Variants in NXN observed in about 807,000 individuals in gnomAD.
The protein encoded by NXN is nucleoredoxin 1.
NXN carries 16 observed loss-of-function variants against 48.6 expected under a neutral mutation model. The ratio of observed to expected loss-of-function variants is 0.33; its 90% confidence interval spans 0.22 to 0.50. The LOEUF (loss-of-function observed/expected upper bound fraction) is 0.50. Ranked by LOEUF, NXN falls within the 20% of genes least tolerant of loss-of-function variation. The pLI, the probability that NXN is intolerant of heterozygous loss-of-function variation, is 0.98. For missense variants in NXN, 492 were observed against 605.5 expected (o/e 0.81, Z 1.97); for synonymous variants, 281 against 269.6 (o/e 1.04, Z -0.41).
intron 1 of NXN, among the ~76,000 whole-genome samples, chr17:895,218 T>A (rs983497968): frequency 3.3e-5 from 5 of 150,966 alleles, no homozygotes; most frequent in African/African-American, 1.2e-4. Flanking sequence ...GGCTTCACCA[T>A]GTTGGCCAGG....
chr17:907,292 G>T (rs1323655394), intron 1 of NXN, among the ~76,000 whole-genome samples: 1 of 151,642 alleles, frequency 6.6e-6, no homozygotes, highest in Non-Finnish European at 1.5e-5. Flanking sequence ...TTAGGTGATT[G>T]CTTCTTGCAA....
chr17:811,951 G>A (rs79247057), intron 5 of NXN, among the ~76,000 whole-genome samples: 2,553 of 129,436 alleles, frequency 0.02, 219 homozygotes, highest in Admixed American at 0.15. Flanking sequence ...TTTTTGAGAC[G>A]GAGTCTCGCT....
At chr17:856,604 C>T (rs534978381) in intron 1 of NXN, among the ~76,000 whole-genome samples, 9 of 151,578 alleles carry the variant, frequency 5.9e-5, no homozygotes, top group African/African-American at 1.9e-4. Flanking sequence ...GAGTCTCCTG[C>T]CTCAGCCTCC....
At chr17:810,549 G>A (rs1204563791) in intron 5 of NXN, among the ~76,000 whole-genome samples, 12 of 152,078 alleles carry the variant, frequency 7.9e-5, no homozygotes, top group Non-Finnish European at 1.3e-4. Flanking sequence ...GGATCCTTCC[G>A]TTCCTCCCTC....
intron 1 of NXN, among the ~76,000 whole-genome samples, chr17:893,245 G>C (rs1235038003): frequency 6.6e-6 from 1 of 152,210 alleles, no homozygotes; most frequent in Non-Finnish European, 1.5e-5. Context: ...GACTGGAAAA[G>C]GTGAGCTTTC....
chr17:906,868 G>A (rs923543564), intron 1 of NXN, among the ~76,000 whole-genome samples: 2 of 151,852 alleles, frequency 1.3e-5, no homozygotes, highest in Non-Finnish European at 2.9e-5. Context: ...CACCGTGCCC[G>A]GCTGGGAAGT....
In NXN at chr17:931,734, C is replaced by CCTCA. The variant is rs548231627; in HGVS notation, c.360+47584_360+47585insTGAG. Among the ~76,000 whole-genome samples the CCTCA allele has an allele frequency of 2.5e-3, 372 of 149,312 alleles. 5 individuals carry two copies. The East Asian group carries it at 0.049, about 20-fold the overall frequency. On this transcript the variant is annotated intron_variant, in intron 1 of 7. Coordinates refer to ENST00000336868, the MANE Select transcript of NXN (RefSeq NM_022463.5). ...CCTGTAGTCCCAGCTACTCGGGAGGCTGAGGCAGGAGAATAGCATGAACCC... is the reference window on the plus strand; with the variant it reads ...CCTGTAGTCCCAGCTACTCGGGAGGCCTCATGAGGCAGGAGAATAGCATGAACCC...
At chr17:977,317 G>C (rs901786340) in intron 1 of NXN, among the ~76,000 whole-genome samples, 2 of 152,178 alleles carry the variant, frequency 1.3e-5, no homozygotes, top group African/African-American at 2.4e-5. Flanking sequence ...CCAGGGTTTG[G>C]GCACGTCCAG....
chr17:874,619 T>C (rs1229688120), intron 1 of NXN, among the ~76,000 whole-genome samples: 2 of 150,348 alleles, frequency 1.3e-5, no homozygotes, highest in Non-Finnish European at 3.0e-5. Flanking sequence ...TCTTGTTATG[T>C]CCTTACAGCA....
intron 1 of NXN, among the ~76,000 whole-genome samples, chr17:837,085 C>A (rs1357862664): frequency 6.6e-6 from 1 of 151,926 alleles, no homozygotes; most frequent in Non-Finnish European, 1.5e-5. Flanking sequence ...CTCACGTGAT[C>A]CCCCCACCTC....
intron 5 of NXN, among the ~76,000 whole-genome samples, chr17:812,917 G>GT (rs2144609904): frequency 6.8e-6 from 1 of 147,292 alleles, no homozygotes; most frequent in Admixed American, 6.7e-5. Flanking sequence ...TGTGACTGTA[G>GT]GTGTGTGCGT....
chr17:860,116 A>G (rs2068026484), intron 1 of NXN, among the ~76,000 whole-genome samples: 2 of 148,644 alleles, frequency 1.3e-5, no homozygotes, highest in Non-Finnish European at 2.9e-5. Context: ...ACTTTAAAAA[A>G]TTTATTATTA....
chr17:862,170 G>A (rs1483611635), intron 1 of NXN, among the ~76,000 whole-genome samples: 1 of 151,280 alleles, frequency 6.6e-6, no homozygotes, highest in African/African-American at 2.4e-5. Context: ...GGTAATAAAT[G>A]TAGAAGGAGT....
chr17:866,046 G>A (rs2068092724), intron 1 of NXN, among the ~76,000 whole-genome samples: 1 of 152,194 alleles, frequency 6.6e-6, no homozygotes, highest in Non-Finnish European at 1.5e-5. Context: ...TACAGCAAAA[G>A]GAGAAGGAAG....
rs2068722163 is a variant in NXN at position 919,355 on chromosome 17, CTG to C, written c.360+59962_360+59963del. ...TCCAGCCTGGTGACAGAGTGAGACT[CTG>C]TCTCAAAACAAAACAAAAAAAAGGT... is the stretch of plus-strand genomic sequence containing the variant. On this transcript the variant is annotated intron_variant, in intron 1 of 7. Transcript: ENST00000336868. This position sits in a 1 kb window ranked among gnomAD's most constrained non-coding sequence, Gnocchi z 5.1. Among the ~76,000 whole-genome samples, 1 of 146,756 alleles carries C rather than the reference CTG, an allele frequency of 6.8e-6. No homozygotes were observed. Among genetic ancestry groups the C allele is most frequent in the Non-Finnish European group, 1.5e-5 (1 of 65,900 alleles).
At chr17:861,680 G>T (rs2068042029) in intron 1 of NXN, among the ~76,000 whole-genome samples, 1 of 152,068 alleles carries the variant, frequency 6.6e-6, no homozygotes, top group East Asian at 1.9e-4. Context: ...AGACTCAAGA[G>T]CCATCTTGAA....
intron 1 of NXN, among the ~76,000 whole-genome samples, chr17:863,650 T>C (rs1486246795): frequency 6.6e-6 from 1 of 152,044 alleles, no homozygotes; most frequent in Non-Finnish European, 1.5e-5. Context: ...TTTGTAGAGA[T>C]GGGGGTCTCT....
intron 1 of NXN, among the ~76,000 whole-genome samples, chr17:893,253 T>C (rs2068442601): frequency 6.6e-6 from 1 of 152,308 alleles, no homozygotes; most frequent in Non-Finnish European, 1.5e-5. Flanking sequence ...AAGGTGAGCT[T>C]TCTGAGTGCG....
intron 1 of NXN, among the ~76,000 whole-genome samples, chr17:906,081 T>A (rs2068578874): frequency 6.6e-6 from 1 of 152,160 alleles, no homozygotes; most frequent in African/African-American, 2.4e-5. Flanking sequence ...GTAATCAATA[T>A]AAACGAATAG....
Sources: allele counts gnomAD v4.1 joint callset (sites outside exome capture counted in the v4.1 genomes callset), GRCh38; gene constraint gnomAD v4.1.1; non-coding constraint Gnocchi (gnomAD v3.1); transcripts MANE v1.5; gene names NCBI Gene and HGNC (gene_info 2026-07-23, HGNC 2026-07-21).